Variants in DOCK1 observed in about 807,000 individuals in gnomAD.
DOCK1 encodes the protein dedicator of cytokinesis 1.
Under a neutral mutation model 262.7 loss-of-function variants are expected in DOCK1, and 138 were observed. The ratio of observed to expected loss-of-function variants is 0.53; its 90% confidence interval spans 0.46 to 0.61. The LOEUF (loss-of-function observed/expected upper bound fraction) is 0.61. DOCK1 is among the 20% of genes least tolerant of loss of function. The pLI is 0.00. For missense variants in DOCK1, 1,908 were observed against 2,370.7 expected (o/e 0.80, Z 4.05); for synonymous variants, 866 against 867.4 (o/e 1.00, Z 0.03).
At chr10:127,160,354 C>T (rs2053491719) in intron 27 of DOCK1, among the ~76,000 whole-genome samples, 1 of 152,188 alleles carries the variant, frequency 6.6e-6, no homozygotes, top group Non-Finnish European at 1.5e-5. Flanking sequence ...CTTAAATTCT[C>T]AATGGAAAGT....
intron 1 of DOCK1, among the ~76,000 whole-genome samples, chr10:126,963,581 CTCCCTTCCCTTCCCTTCCCTTCCCT>C (rs1201081887): frequency 0.022 from 1,475 of 67,894 alleles, 75 homozygotes; most frequent in African/African-American, 0.062. Context: ...CTCTCCTTCC[CTCCCTTCCCTTCCCTTCCCTTCCCT>C]TCCCTTCCCT....
At chr10:127,156,633 A>G (rs2053108105) in intron 27 of DOCK1, among the ~76,000 whole-genome samples, 1 of 128,580 alleles carries the variant, frequency 7.8e-6, no homozygotes, top group Non-Finnish European at 1.5e-5. Flanking sequence ...AATGGGCACA[A>G]TCTGGGCTCA....
intron 40 of DOCK1, among the ~76,000 whole-genome samples, chr10:127,405,402 A>G (rs1565065692): frequency 6.7e-6 from 1 of 149,794 alleles, no homozygotes; most frequent in East Asian, 2.0e-4. Context: ...TTTGGATGCC[A>G]TTGACCAGTG....
At chr10:127,261,226 GGTGTGCGTGT>G (rs2060076863) in intron 29 of DOCK1, among the ~76,000 whole-genome samples, 1 of 96,526 alleles carries the variant, frequency 1.0e-5, no homozygotes, top group African/African-American at 4.2e-5. Context: ...TGTGCATGTG[GGTGTGCGTGT>G]GTGTACCTGC....
At chr10:127,301,678 G>A (rs1444832331) in intron 29 of DOCK1, among the ~76,000 whole-genome samples, 1 of 152,164 alleles carries the variant, frequency 6.6e-6, no homozygotes, top group South Asian at 2.1e-4. Flanking sequence ...GCGCGCTGTG[G>A]CTCATGCCTG....
intron 38 of DOCK1, among the ~76,000 whole-genome samples, chr10:127,399,891 C>T (rs1590896075): frequency 6.6e-6 from 1 of 152,174 alleles, no homozygotes; most frequent in Non-Finnish European, 1.5e-5. Context: ...AAAATGTGAG[C>T]CGGGGCTCTG....
intron 27 of DOCK1, among the ~76,000 whole-genome samples, chr10:127,233,895 C>G (rs1307364258): frequency 6.6e-6 from 1 of 152,110 alleles, no homozygotes; most frequent in Non-Finnish European, 1.5e-5. Context: ...TCGGCTGCTC[C>G]ATTTTATTGT....
chr10:126,915,307 G>A (rs1018029234), intron 1 of DOCK1, among the ~76,000 whole-genome samples: 2 of 152,108 alleles, frequency 1.3e-5, no homozygotes, highest in Non-Finnish European at 2.9e-5. Flanking sequence ...AAGGACAGAC[G>A]CCGCCTTTTT....
At chr10:127,363,202 G>A (rs1227994145) in intron 33 of DOCK1, among the ~76,000 whole-genome samples, 1 of 152,164 alleles carries the variant, frequency 6.6e-6, no homozygotes, top group East Asian at 1.9e-4. Flanking sequence ...TGAATTGAAA[G>A]ATACCTTTTA....
At chr10:126,984,864 T>C (rs867061422) in intron 4 of DOCK1, among the ~76,000 whole-genome samples, 16 of 152,260 alleles carry the variant, frequency 1.1e-4, no homozygotes, top group Middle Eastern at 3.4e-3. Flanking sequence ...TACATAGCTA[T>C]TGTAGTCACC....
intron 29 of DOCK1, chr10:127,257,720 G>A (rs1029498936): frequency 1.4e-5 from 4 of 284,544 alleles, no homozygotes; most frequent in African/African-American, 2.1e-5. Context: ...GGTTCTGCTC[G>A]ACGTCGCTCT....
Position 127,407,030 on chromosome 10 carries a change from CG to C in DOCK1, c.4123-2000del, listed in dbSNP as rs951192424. Among the ~76,000 whole-genome samples, 6 of 149,356 alleles carry C rather than the reference CG, an allele frequency of 4.0e-5. No homozygotes were observed. In the South Asian group the frequency reaches 8.5e-4, roughly 21 times the overall value. ...TGGTTTCTGCTTGACTTTTTTTTTT[CG>C]GGGGGGCGGTGGGGAGAAATAGAGC... On this transcript the variant is annotated intron_variant, in intron 40 of 51. Transcript: ENST00000623213.
chr10:127,301,641 C>A (rs78203842), intron 29 of DOCK1, among the ~76,000 whole-genome samples: 1 of 152,166 alleles, frequency 6.6e-6, no homozygotes, highest in East Asian at 1.9e-4. Context: ...TTAAAGATCC[C>A]TGGACATAAA....
At chr10:127,101,198 GT>G (rs2048223922) in intron 23 of DOCK1, among the ~76,000 whole-genome samples, 2 of 151,678 alleles carry the variant, frequency 1.3e-5, no homozygotes, top group Non-Finnish European at 2.9e-5. Flanking sequence ...GGTGGCTTTT[GT>G]TTTTCTCTGA....
chr10:127,142,832 T>C (rs2051399731), intron 27 of DOCK1, among the ~76,000 whole-genome samples: 1 of 152,196 alleles, frequency 6.6e-6, no homozygotes, highest in South Asian at 2.1e-4. Context: ...TGAGAGTAGA[T>C]TTAATTTCTT....
intron 31 of DOCK1, among the ~76,000 whole-genome samples, chr10:127,349,739 C>G (rs2133833209): frequency 6.6e-6 from 1 of 152,262 alleles, no homozygotes. Context: ...GAAGCTATTC[C>G]CTGCCTCTCT....
intron 11 of DOCK1, among the ~76,000 whole-genome samples, chr10:127,010,512 T>C (rs1031989987): frequency 6.6e-6 from 1 of 152,186 alleles, no homozygotes; most frequent in African/African-American, 2.4e-5. Context: ...CATTTAGTTC[T>C]TCAGTCACAT....
chr10:127,125,687 G>A lies in DOCK1; in HGVS notation c.2751+86G>A, dbSNP rs1394595682. On this transcript the variant is annotated intron_variant, in intron 26 of 51. Transcript: ENST00000623213. The stretch of plus-strand genomic sequence containing the variant: ...AGTACAACTTTATTCAGTTAAAAAT[G>A]AAAGGTCTTGATTTTAAGGTCTAGC... The A allele has an allele frequency of 3.9e-6, 6 of 1,530,030 alleles. No homozygotes were observed. The East Asian group carries it at 1.4e-4, about 36-fold the overall frequency. 94.8% of individuals were successfully genotyped at this position (1,530,030 alleles called of 1,614,324 possible). A position where few individuals can be genotyped will look rare whatever the true frequency, so the allele number is the denominator to read the frequency against.
chr10:127,155,744 T>C (rs145162799), intron 27 of DOCK1, among the ~76,000 whole-genome samples: 77 of 152,326 alleles, frequency 5.1e-4, no homozygotes, highest in African/African-American at 1.9e-3. Flanking sequence ...CCTTCTCTCT[T>C]GCCCTATATA....
Sources: gnomAD v4.1 joint callset for allele counts (sites outside exome capture counted in the v4.1 genomes callset) on GRCh38, gnomAD v4.1.1 for gene constraint, MANE v1.5 for transcripts, NCBI Gene and HGNC (gene_info 2026-07-23, HGNC 2026-07-21) for gene names.